Variants in TAS2R1 observed in about 807,000 individuals in gnomAD.
The protein encoded by TAS2R1 is taste receptor type 2 member 1.
For missense variants in TAS2R1, 370 were observed against 353.4 expected (o/e 1.05, Z -0.38); for synonymous variants, 141 against 134.2 (o/e 1.05, Z -0.35).
At chr5:9,864,632 C>T in the TAS2R1 span, among the ~76,000 whole-genome samples, 10 of 122,360 alleles carry the variant, frequency 8.2e-5, no homozygotes, top group Non-Finnish European at 1.4e-4. Context: ...AGACTCCACT[C>T]AAAAAAAAAA....
the TAS2R1 span, among the ~76,000 whole-genome samples, chr5:9,730,478 C>A: frequency 6.6e-6 from 1 of 152,216 alleles, no homozygotes; most frequent in South Asian, 2.1e-4. Context: ...GGCGCTGCCA[C>A]ACCTGTGCAG....
intron 1 of TAS2R1, among the ~76,000 whole-genome samples, chr5:9,686,846 C>T (rs1395953477): frequency 6.6e-6 from 1 of 152,114 alleles, no homozygotes; most frequent in Non-Finnish European, 1.5e-5. Flanking sequence ...CAGATAATTG[C>T]AATTTTATTT....
At chr5:9,658,765 C>T (rs1216424597) in intron 2 of TAS2R1, 1 of 152,196 alleles carries the variant, frequency 6.6e-6, no homozygotes, top group African/African-American at 2.4e-5. Flanking sequence ...AACTCTATTG[C>T]AGCAAGTATG....
the TAS2R1 span, among the ~76,000 whole-genome samples, chr5:9,836,298 G>A: frequency 2.0e-5 from 3 of 152,074 alleles, no homozygotes; most frequent in African/African-American, 7.2e-5. Flanking sequence ...CTAATAAAGT[G>A]TGTTATTTGG....
At chr5:9,801,872 G>A in the TAS2R1 span, among the ~76,000 whole-genome samples, 27 of 152,186 alleles carry the variant, frequency 1.8e-4, no homozygotes, top group Non-Finnish European at 3.1e-4. Context: ...CAGCAGCCAC[G>A]GCAAGCCCTG....
At chr5:9,641,985 G>A (rs796876029) in intron 2 of TAS2R1, 1 of 152,320 alleles carries the variant, frequency 6.6e-6, no homozygotes, top group African/African-American at 2.4e-5. Flanking sequence ...GTATTACCCT[G>A]ATTAAATCCA....
At chr5:9,814,454 G>A in the TAS2R1 span, among the ~76,000 whole-genome samples, 3 of 152,038 alleles carry the variant, frequency 2.0e-5, no homozygotes, top group Admixed American at 6.6e-5. Context: ...TATTCTAATC[G>A]ATTCCACTGT....
the TAS2R1 span, chr5:9,867,286 A>G: frequency 6.6e-6 from 1 of 152,114 alleles, no homozygotes; most frequent in East Asian, 1.9e-4. Context: ...ATATTAGTCC[A>G]CTCTCATGCT....
chr5:9,802,559 T>C, the TAS2R1 span, among the ~76,000 whole-genome samples: 1 of 152,212 alleles, frequency 6.6e-6, no homozygotes, highest in African/African-American at 2.4e-5. Flanking sequence ...CAAAGATCTA[T>C]GGATCCAAAC....
At chr5:9,721,601 A>T in the TAS2R1 span, among the ~76,000 whole-genome samples, 1 of 152,154 alleles carries the variant, frequency 6.6e-6, no homozygotes, top group South Asian at 2.1e-4. Flanking sequence ...CCTCCTACAA[A>T]TGTGTTACTG....
At chr5:9,747,588 A>G in the TAS2R1 span, among the ~76,000 whole-genome samples, 20 of 152,264 alleles carry the variant, frequency 1.3e-4, no homozygotes, top group South Asian at 4.1e-3. Flanking sequence ...TACCATAAGG[A>G]TGGCACCAAA....
chr5:9,772,029 C>T, the TAS2R1 span, among the ~76,000 whole-genome samples: 1 of 151,596 alleles, frequency 6.6e-6, no homozygotes, highest in African/African-American at 2.4e-5. Flanking sequence ...TTTATTATTT[C>T]TTTTATTCTA....
At chr5:9,762,178 G>A in the TAS2R1 span, among the ~76,000 whole-genome samples, 1 of 152,282 alleles carries the variant, frequency 6.6e-6, no homozygotes, top group South Asian at 2.1e-4. Flanking sequence ...TTACCTAGGA[G>A]ATGGAAGCCG....
chr5:9,637,301 T>A (rs1739983098), intron 2 of TAS2R1, among the ~76,000 whole-genome samples: 1 of 152,226 alleles, frequency 6.6e-6, no homozygotes, highest in South Asian at 2.1e-4. Context: ...AGTCTGCTGT[T>A]AATCTGATAG....
chr5:9,847,782 A>C, the TAS2R1 span, among the ~76,000 whole-genome samples: 1 of 152,190 alleles, frequency 6.6e-6, no homozygotes, highest in Non-Finnish European at 1.5e-5. Flanking sequence ...CAGAGACAGG[A>C]CAGCTGTGGG....
At chr5:9,688,389 A>T (rs1038669887) in intron 1 of TAS2R1, among the ~76,000 whole-genome samples, 3 of 152,194 alleles carry the variant, frequency 2.0e-5, no homozygotes, top group Non-Finnish European at 4.4e-5. Context: ...ATGAAAAAGG[A>T]ATACATGGAT....
the TAS2R1 span, among the ~76,000 whole-genome samples, chr5:9,769,854 T>C: frequency 6.6e-6 from 1 of 152,186 alleles, no homozygotes; most frequent in South Asian, 2.1e-4. Context: ...TTTTCTCCCA[T>C]TCTATGGATT....
the TAS2R1 span, chr5:9,863,045 C>T: frequency 1.3e-5 from 2 of 152,176 alleles, no homozygotes; most frequent in Non-Finnish European, 2.9e-5. Flanking sequence ...TGTACACTTC[C>T]AGTAGCCAAC....
At chr5:9,840,871 T>G in the TAS2R1 span, among the ~76,000 whole-genome samples, 1 of 18,242 alleles carries the variant, frequency 5.5e-5, no homozygotes, top group Admixed American at 7.2e-4. Flanking sequence ...TTTTTTTTTT[T>G]TTTTTTTTTT....
Sources: gnomAD v4.1 joint callset for allele counts (sites outside exome capture counted in the v4.1 genomes callset) on GRCh38, gnomAD v4.1.1 for gene constraint, MANE v1.5 for transcripts, NCBI Gene and HGNC (gene_info 2026-07-23, HGNC 2026-07-21) for gene names.